The following GRID2 variants were observed in gnomAD, a reference collection of about 807,000 sequenced individuals.
The protein encoded by GRID2 is glutamate ionotropic receptor delta type subunit 2.
Under a neutral mutation model 114.8 loss-of-function variants are expected in GRID2, and 33 were observed. The ratio of observed to expected loss-of-function variants is 0.29; its 90% confidence interval spans 0.22 to 0.38. The LOEUF is 0.38. Ranked by LOEUF, GRID2 falls within the 10% of genes least tolerant of loss-of-function variation. The pLI is 1.00. For missense variants in GRID2, 1,184 were observed against 1,257.7 expected, an observed-to-expected ratio of 0.94 and a Z score of 0.89; for synonymous variants, 505 against 449.9, an observed-to-expected ratio of 1.12 and a Z score of -1.55.
chr4:93,399,914 G>A (rs533259366), intron 9 of GRID2, among the ~76,000 whole-genome samples: 4 of 152,110 alleles, frequency 2.6e-5, no homozygotes, highest in African/African-American at 4.8e-5. Flanking sequence ...AAACCAACAC[G>A]AGCATCTACC....
intron 2 of GRID2, among the ~76,000 whole-genome samples, chr4:92,840,423 T>C (rs912565338): frequency 6.6e-6 from 1 of 152,000 alleles, no homozygotes; most frequent in Non-Finnish European, 1.5e-5. Context: ...CTCCCCTTCT[T>C]CCTCTACTGA....
At chr4:92,767,729 C>T (rs756053588) in intron 2 of GRID2, among the ~76,000 whole-genome samples, 5 of 151,846 alleles carry the variant, frequency 3.3e-5, no homozygotes, top group African/African-American at 7.3e-5. Flanking sequence ...CCAGTCTGGG[C>T]GACAGAGACT....
Position 93,154,184 on chromosome 4 carries a change from G to A in GRID2, c.735+43231G>A, listed in dbSNP as rs78124858. Among the ~76,000 whole-genome samples, 630 of 152,080 alleles carry A rather than the reference G, an allele frequency of 4.1e-3. 8 individuals are homozygous for A. The highest frequency in any genetic ancestry group is 0.015 in the African/African-American group (607 of 41,528). On this transcript the variant is annotated intron_variant, in intron 4 of 15. Transcript: ENST00000282020. Reference sequence around the variant, plus strand: ...AGTAATGATACCAGCTCTACAGACTGATCAATATTCAGTTGCTATGCACCA... The same window carrying A: ...AGTAATGATACCAGCTCTACAGACTAATCAATATTCAGTTGCTATGCACCA...
chr4:92,362,814 G>A (rs546257023), intron 1 of GRID2, among the ~76,000 whole-genome samples: 5 of 151,996 alleles, frequency 3.3e-5, no homozygotes, highest in Admixed American at 6.6e-5. Context: ...AGTCAGATTC[G>A]TATTTTCTGA....
intron 13 of GRID2, among the ~76,000 whole-genome samples, chr4:93,533,278 C>T (rs534428298): frequency 1.1e-4 from 14 of 132,816 alleles, no homozygotes; most frequent in Admixed American, 8.3e-4. Flanking sequence ...TCCTTCCTTC[C>T]TTCCTTCCTT....
intron 8 of GRID2, among the ~76,000 whole-genome samples, chr4:93,348,834 A>G (rs758796262): frequency 5.3e-5 from 8 of 152,222 alleles, no homozygotes; most frequent in Non-Finnish European, 1.0e-4. Context: ...CAGTAAATAT[A>G]GTCTTCTATT....
intron 12 of GRID2, among the ~76,000 whole-genome samples, chr4:93,510,413 GA>G (rs374182812): frequency 2.0e-5 from 3 of 151,958 alleles, no homozygotes; most frequent in Admixed American, 6.6e-5. Flanking sequence ...AGGAAGATAG[GA>G]AAAAAATATA....
At chr4:93,521,262 G>A (rs530027979) in intron 13 of GRID2, among the ~76,000 whole-genome samples, 33 of 152,232 alleles carry the variant, frequency 2.2e-4, no homozygotes, top group East Asian at 2.1e-3. Context: ...TACTCATTAC[G>A]CAGGCAAAGT....
chr4:93,067,785 G>C (rs1728439897), intron 2 of GRID2, among the ~76,000 whole-genome samples: 1 of 151,888 alleles, frequency 6.6e-6, no homozygotes, highest in African/African-American at 2.4e-5. Flanking sequence ...ATTAAAAACT[G>C]GTACCCTTTT....
At chr4:92,691,755 G>T (rs1203272638) in intron 2 of GRID2, among the ~76,000 whole-genome samples, 3 of 152,104 alleles carry the variant, frequency 2.0e-5, no homozygotes, top group Non-Finnish European at 2.9e-5. Context: ...AGCTGTTTTT[G>T]GTTCCCATCA....
intron 2 of GRID2, among the ~76,000 whole-genome samples, chr4:92,900,833 CAAAAAAA>C (rs34089162): frequency 8.3e-5 from 6 of 72,340 alleles, no homozygotes; most frequent in East Asian, 9.0e-4. Context: ...GACTTCGTCT[CAAAAAAA>C]AAAAAAAAAA....
At chr4:93,456,557 A>G (rs190931318) in intron 11 of GRID2, among the ~76,000 whole-genome samples, 1 of 152,196 alleles carries the variant, frequency 6.6e-6, no homozygotes, top group Non-Finnish European at 1.5e-5. Flanking sequence ...TTAATATCCA[A>G]TCTGCCCAAC....
intron 1 of GRID2, among the ~76,000 whole-genome samples, chr4:92,587,964 T>G (rs1728528162): frequency 6.6e-6 from 1 of 152,212 alleles, no homozygotes; most frequent in South Asian, 2.1e-4. Context: ...CATCTTTGTA[T>G]AAACACACAT....
intron 2 of GRID2, among the ~76,000 whole-genome samples, chr4:92,640,739 C>T (rs183404009): frequency 3.3e-5 from 5 of 151,550 alleles, no homozygotes; most frequent in East Asian, 3.9e-4. Flanking sequence ...ATCTAAGTCC[C>T]GTAATATATA....
chr4:93,205,595 G>T (rs914871063), intron 4 of GRID2, among the ~76,000 whole-genome samples: 1 of 152,030 alleles, frequency 6.6e-6, no homozygotes, highest in Admixed American at 6.6e-5. Context: ...CTTTGCTATT[G>T]TGAATAGTGC....
chr4:92,882,976 A>G (rs1293427815), intron 2 of GRID2, among the ~76,000 whole-genome samples: 2 of 152,142 alleles, frequency 1.3e-5, no homozygotes, highest in African/African-American at 4.8e-5. Context: ...AATTTCTTAT[A>G]ATAAGACAAC....
intron 8 of GRID2, among the ~76,000 whole-genome samples, chr4:93,300,995 T>C (rs554613787): frequency 1.2e-3 from 177 of 152,336 alleles, no homozygotes; most frequent in African/African-American, 3.6e-3. Flanking sequence ...TTTTAACTAC[T>C]GGGTTTAGGC....
intron 10 of GRID2, among the ~76,000 whole-genome samples, chr4:93,428,319 C>A (rs1769049462): frequency 6.6e-6 from 1 of 152,008 alleles, no homozygotes; most frequent in South Asian, 2.1e-4. Context: ...TAATGCTAAA[C>A]TCTACCTCAT....
At chr4:93,243,118 A>T (rs1197027278) in intron 8 of GRID2, among the ~76,000 whole-genome samples, 2 of 151,770 alleles carry the variant, frequency 1.3e-5, no homozygotes, top group Admixed American at 1.3e-4. Context: ...TTTTTTTTGC[A>T]TTGTTTTACA....
Sources: gnomAD v4.1 joint callset for allele counts (sites outside exome capture counted in the v4.1 genomes callset) on GRCh38, gnomAD v4.1.1 for gene constraint, MANE v1.5 for transcripts, NCBI Gene and HGNC (gene_info 2026-07-23, HGNC 2026-07-21) for gene names.